The following PCDHA7 variants were observed in gnomAD, a reference collection of about 807,000 sequenced individuals.
The protein encoded by PCDHA7 is protocadherin alpha-7.
PCDHA7 carries 37 observed loss-of-function variants against 57.2 expected under a neutral mutation model. The observed-to-expected ratio is 0.65, with a 90% CI of 0.50 to 0.85. The LOEUF is 0.85. Among genes scored for constraint, PCDHA7 ranks in the 40% least tolerant of loss-of-function variants. PCDHA7 has a pLI of 0.00. For missense variants in PCDHA7, 1,188 were observed against 1,241.8 expected (o/e 0.96, Z 0.65); for synonymous variants, 553 against 558.8 (o/e 0.99, Z 0.15).
At chr5:141,009,462 A>G (rs1279658091) in intron 3 of PCDHA7, 165 bp from the exon 4 acceptor site, 2 of 954,512 alleles carry the variant, frequency 2.1e-6, no homozygotes, top group Non-Finnish European at 2.5e-6. Flanking sequence ...TAAACAAATA[A>G]ATAAATAAGT....
At chr5:140,877,487 A>C (rs1293347310) in intron 1 of PCDHA7, 1 of 1,613,704 alleles carries the variant, frequency 6.2e-7, no homozygotes, top group African/African-American at 1.3e-5. Context: ...CTGGTGGAGA[A>C]CGGCCAGGCC....
At position 140,834,961 on chromosome 5, in the gene PCDHA7, G is replaced by A; in HGVS notation, c.578G>A (p.Gly193Glu). Residue 193 changes from glycine (G) to glutamate (E), a missense_variant, in exon 1 of 4, where the codon GGA (glycine) becomes GAA (glutamate). By Grantham distance (98) the Gly-to-Glu change is moderately conservative. Coordinates refer to ENST00000525929, the MANE Select transcript of PCDHA7 (RefSeq NM_018910.3). The stretch of plus-strand genomic sequence containing the variant: ...AGCAACCAGCAGGTAAAACCTCTTG[G>A]ACTTGTATTACGGAAACTTTTAGAC... ...PTSNQQVKPL[G>E]LVLRKLLDRE... is the part of the protein sequence containing the mutation. 1 of 1,524,338 alleles carries A rather than the reference G, an allele frequency of 6.6e-7. No individual in the cohort carries two copies. Among genetic ancestry groups the A allele is most frequent in the Non-Finnish European group, 8.9e-7 (1 of 1,124,202 alleles). 94.4% of individuals were successfully genotyped at this position (1,524,338 alleles called of 1,614,324 possible).
chr5:140,903,753 A>T (rs1554191101), intron 1 of PCDHA7, among the ~76,000 whole-genome samples: 2 of 152,186 alleles, frequency 1.3e-5, no homozygotes, highest in African/African-American at 4.8e-5. Context: ...GTTTCCCTTG[A>T]TTTTTGCTGA....
chr5:140,857,882 T>A, intron 1 of PCDHA7: 1 of 1,597,334 alleles, frequency 6.3e-7, no homozygotes, highest in Non-Finnish European at 8.6e-7. Flanking sequence ...TGAATTGCAG[T>A]CGGCGGCGGT....
Position 140,858,511 on chromosome 5 carries a change from G to A in PCDHA7, c.2355+21773G>A. ...TCTCTTACCGCATTTTCTCAAATAT[G>A]TATCAGAATATTTCATTTTTGTCTA... On this transcript the variant is annotated intron_variant, in intron 1 of 3. Transcript: ENST00000525929. 5 of 1,433,712 alleles carry A rather than the reference G, an allele frequency of 3.5e-6. 1 individual carries two copies. The highest frequency in any genetic ancestry group is 4.8e-6 in the Non-Finnish European group (5 of 1,040,150). 88.8% of individuals were successfully genotyped at this position (1,433,712 alleles called of 1,614,324 possible).
chr5:140,850,297 C>G, intron 1 of PCDHA7: 2 of 1,596,438 alleles, frequency 1.3e-6, no homozygotes, highest in Non-Finnish European at 1.7e-6. Flanking sequence ...GACGCCGACT[C>G]GGGCTACAAC....
At chr5:140,876,714 CCGCGAGAG>C in intron 1 of PCDHA7, 1 of 1,614,230 alleles carries the variant, frequency 6.2e-7, no homozygotes, top group East Asian at 2.2e-5. Context: ...GCGCCCTGGA[CCGCGAGAG>C]CGTGTCGGCC....
rs574140858 is a variant in PCDHA7 at position 140,929,782 on chromosome 5, A to C, written c.2356-49167A>C. On this transcript the variant is annotated intron_variant, in intron 1 of 3. Coordinates refer to ENST00000525929, the MANE Select transcript of PCDHA7 (RefSeq NM_018910.3). The stretch of plus-strand genomic sequence containing the variant: ...GACGATAACCACAAAAGATGTAAAA[A>C]TAAATTACAATGGGGGTTAAAAGAA... The C allele has an allele frequency of 1.8e-5, 3 of 168,346 alleles. No individual in the cohort carries two copies. The Admixed American group carries it at 1.9e-4, about 11-fold the overall frequency. 10.4% of individuals were successfully genotyped at this position (168,346 alleles called of 1,614,324 possible). A position where few individuals can be genotyped will look rare whatever the true frequency, so the allele number is the denominator to read the frequency against.
intron 1 of PCDHA7, chr5:140,870,108 CTG>C (rs1455437240): frequency 6.2e-7 from 1 of 1,613,906 alleles, no homozygotes; most frequent in African/African-American, 1.3e-5. Flanking sequence ...ACTGTACAGT[CTG>C]GGTGGAAATC....
chr5:140,849,752 C>T, intron 1 of PCDHA7: 1 of 1,598,394 alleles, frequency 6.3e-7, no homozygotes. Flanking sequence ...AGAGTGTGTC[C>T]GCCTACGAGC....
At chr5:140,874,957 T>C (rs1330073461) in intron 1 of PCDHA7, among the ~76,000 whole-genome samples, 3 of 152,350 alleles carry the variant, frequency 2.0e-5, no homozygotes, top group African/African-American at 7.2e-5. Flanking sequence ...TTGTAAGCTA[T>C]ATAAGGGGAG....
chr5:140,855,626 T>C (rs1554147868), intron 1 of PCDHA7, among the ~76,000 whole-genome samples: 1 of 149,872 alleles, frequency 6.7e-6, no homozygotes, highest in Non-Finnish European at 1.5e-5. Context: ...CATTTTGAAA[T>C]TCGGCTATTG....
intron 1 of PCDHA7, among the ~76,000 whole-genome samples, chr5:140,950,272 CT>C (rs373882606): frequency 7.9e-5 from 12 of 151,950 alleles, no homozygotes; most frequent in African/African-American, 2.9e-4. Flanking sequence ...TCCATAATGT[CT>C]TTTTGCTTCA....
chr5:140,999,687 A>G (rs1554256930), intron 3 of PCDHA7, among the ~76,000 whole-genome samples: 2 of 152,044 alleles, frequency 1.3e-5, no homozygotes, highest in Non-Finnish European at 2.9e-5. Flanking sequence ...AGAAAGAAGA[A>G]ATGTGATTTT....
intron 2 of PCDHA7, among the ~76,000 whole-genome samples, chr5:140,980,152 C>G (rs1554241475): frequency 6.6e-6 from 1 of 152,040 alleles, no homozygotes; most frequent in African/African-American, 2.4e-5. Context: ...CATGCATATA[C>G]CAGAATATTA....
chr5:140,971,500 TAGG>T (rs2096483491), intron 1 of PCDHA7, among the ~76,000 whole-genome samples: 2 of 152,136 alleles, frequency 1.3e-5, no homozygotes, highest in Admixed American at 1.3e-4. Flanking sequence ...TGTGGCAAGA[TAGG>T]AGCAAAAGCC....
intron 1 of PCDHA7, chr5:140,875,600 C>T: frequency 6.2e-7 from 1 of 1,613,884 alleles, no homozygotes; most frequent in Non-Finnish European, 8.5e-7. Context: ...AAACACGGCA[C>T]CTTCGTGGGC....
chr5:140,850,829 T>C (rs1431549655), intron 1 of PCDHA7: 6 of 1,597,986 alleles, frequency 3.8e-6, no homozygotes, highest in Non-Finnish European at 4.3e-6. Context: ...GCCTTTCTCC[T>C]TGTGCTGGAT....
At chr5:140,869,242 C>T (rs781799282) in intron 1 of PCDHA7, 1 of 1,613,610 alleles carries the variant, frequency 6.2e-7, no homozygotes, top group East Asian at 2.2e-5. Context: ...CTTCGTGGGC[C>T]GCATCGCGCA....
Sources: gnomAD v4.1 joint callset for allele counts (sites outside exome capture counted in the v4.1 genomes callset) on GRCh38, gnomAD v4.1.1 for gene constraint, MANE v1.5 for transcripts, NCBI Gene and HGNC (gene_info 2026-07-23, HGNC 2026-07-21) for gene names.